UMAD1: variants seen among roughly 807,000 people sequenced by gnomAD.
UMAD1 encodes UBAP1-MVB12-associated (UMA) domain containing 1, also known as UBAP1-MVB12-associated (UMA)-domain containing protein 1.
Under a neutral mutation model 6.1 loss-of-function variants are expected in UMAD1, and 8 were observed. The ratio of observed to expected loss-of-function variants is 1.30; its 90% CI spans 0.76 to 2.35. The LOEUF is 2.35. Ranked by LOEUF, UMAD1 falls within the 30% of genes most tolerant of loss-of-function variation. UMAD1 has a pLI of 0.00. For missense variants in UMAD1, 130 were observed against 78.4 expected (o/e 1.66, Z -2.49); for synonymous variants, 56 against 31.4 (o/e 1.78, Z -2.61).
rs1360877547 is a variant in UMAD1, at chr7:7,735,256, A to G, written c.82+61803A>G. On this transcript the variant is annotated intron_variant, in intron 2 of 3. Transcript: ENST00000682710. The stretch of plus-strand genomic sequence containing the variant: ...TAACCCATTACGGGATCAAATTAGA[A>G]GGAAAGTTAGTAATAATTTAAAGGT... 2.6e-5 allele frequency among the ~76,000 whole-genome samples: 4 copies of G among 152,222 alleles called. No individual in the cohort carries two copies. In the East Asian group the frequency reaches 7.7e-4, roughly 29 times the overall value.
intron 1 of UMAD1, among the ~76,000 whole-genome samples, chr7:7,652,825 G>A (rs745659366): frequency 4.6e-5 from 7 of 152,174 alleles, no homozygotes; most frequent in Non-Finnish European, 8.8e-5. Flanking sequence ...ATGCAGTCAG[G>A]CTATATTGAA....
chr7:7,807,316 G>A (rs996565387), intron 3 of UMAD1, among the ~76,000 whole-genome samples: 6 of 152,040 alleles, frequency 3.9e-5, no homozygotes, highest in African/African-American at 1.4e-4. Flanking sequence ...TGATTAAGAA[G>A]TTCCTGGGAA....
chr7:7,864,065 C>T (rs1029592500), intron 3 of UMAD1, among the ~76,000 whole-genome samples: 6 of 152,204 alleles, frequency 3.9e-5, no homozygotes, highest in African/African-American at 1.4e-4. Context: ...AGAGGAGCAT[C>T]TTTTGTTATC....
intron 2 of UMAD1, among the ~76,000 whole-genome samples, chr7:7,778,991 C>A (rs1246372790): frequency 6.6e-6 from 1 of 152,142 alleles, no homozygotes; most frequent in Non-Finnish European, 1.5e-5. Flanking sequence ...CTATTATTAT[C>A]TTCATCATTT....
At position 7,769,782 on chromosome 7, in the gene UMAD1, G is replaced by C. The variant is rs115026851; in HGVS notation, c.83-31888G>C. ...ATTATGGTTGGAACACACATTCTAG[G>C]AGAGGAAGAGGGACTAAATTGCACT... is the stretch of plus-strand genomic sequence containing the variant. On this transcript the variant is annotated intron_variant, in intron 2 of 3. Transcript: ENST00000682710. 9.9e-4 allele frequency among the ~76,000 whole-genome samples: 151 copies of C among 152,286 alleles called. 1 individual carries two copies. Among genetic ancestry groups the C allele is most frequent in the African/African-American group, 3.5e-3 (144 of 41,556 alleles).
rs34829393 is a variant in UMAD1, at chr7:7,854,355, CAAAAAAAA to C, written c.157-22909_157-22902del. 5.1e-3 allele frequency among the ~76,000 whole-genome samples: 251 copies of C among 49,172 alleles called. 2 individuals carry two copies. Among genetic ancestry groups the C allele is most frequent in the African/African-American group, 0.02 (243 of 11,882 alleles). The allele number at this position is 49,172 out of a possible 152,430, so 32.3% of individuals were successfully genotyped here. A position where few individuals can be genotyped will look rare whatever the true frequency, so the allele number is the denominator to read the frequency against. On this transcript the variant is annotated intron_variant, in intron 3 of 3. Coordinates refer to ENST00000682710, the MANE Select transcript of UMAD1 (RefSeq NM_001302348.2). ...GGGCAACAAGAGCAAAGCTCCATCT[CAAAAAAAA>C]AAAAAAAAAAAAAAAAGATAAGAGA...
intron 3 of UMAD1, among the ~76,000 whole-genome samples, chr7:7,842,944 G>T (rs188677772): frequency 2.0e-5 from 3 of 152,176 alleles, no homozygotes; most frequent in Non-Finnish European, 1.5e-5. Flanking sequence ...ACCCAGTAGG[G>T]TCTGTCCTGT....
intron 3 of UMAD1, among the ~76,000 whole-genome samples, chr7:7,817,692 C>T (rs1411591302): frequency 6.6e-6 from 1 of 152,174 alleles, no homozygotes; most frequent in Non-Finnish European, 1.5e-5. Context: ...TTATGACTTT[C>T]CTCAAAACTT....
intron 2 of UMAD1, among the ~76,000 whole-genome samples, chr7:7,783,370 A>G (rs1782389306): frequency 6.6e-6 from 1 of 151,866 alleles, no homozygotes; most frequent in Admixed American, 6.5e-5. Context: ...TGAGAATCCT[A>G]TCTTTTGTAG....
At chr7:7,661,760 T>C (rs1002458495) in intron 1 of UMAD1, among the ~76,000 whole-genome samples, 4 of 152,140 alleles carry the variant, frequency 2.6e-5, no homozygotes, top group African/African-American at 9.6e-5. Flanking sequence ...CTGGGAGGTG[T>C]CTCCCAGTCA....
intron 3 of UMAD1, among the ~76,000 whole-genome samples, chr7:7,827,147 A>ATATGTGTG (rs1242634250): frequency 1.5e-5 from 2 of 134,150 alleles, no homozygotes; most frequent in Non-Finnish European, 3.1e-5. Context: ...ATATATATAT[A>ATATGTGTG]TGTGTGTGTG....
At chr7:7,654,233 A>C (rs901677776) in intron 1 of UMAD1, among the ~76,000 whole-genome samples, 13 of 152,236 alleles carry the variant, frequency 8.5e-5, no homozygotes, top group Non-Finnish European at 1.6e-4. Context: ...TGAGGCTCAA[A>C]TTTATTTACA....
chr7:7,752,207 A>T (rs1781691241), intron 2 of UMAD1, among the ~76,000 whole-genome samples: 1 of 152,216 alleles, frequency 6.6e-6, no homozygotes, highest in Non-Finnish European at 1.5e-5. Context: ...GTTGTAAAAA[A>T]ATAGATTATA....
intron 2 of UMAD1, among the ~76,000 whole-genome samples, chr7:7,758,809 G>T (rs1366537912): frequency 6.6e-6 from 1 of 152,142 alleles, no homozygotes; most frequent in African/African-American, 2.4e-5. Context: ...AGGTACCACA[G>T]TTTATCCTTT....
rs544710299 is a variant in UMAD1 at position 7,722,108 on chromosome 7, C to G, written c.82+48655C>G. ...AGCCTGCAGACGGCCTATTGTGGGT[C>G]TTGTGATCATGTGAGTTTAATACTC... On this transcript the variant is annotated intron_variant, in intron 2 of 3. Transcript: ENST00000682710. Among the ~76,000 whole-genome samples the G allele has an allele frequency of 3.3e-5, 5 of 151,384 alleles. No homozygotes were observed. The East Asian group carries it at 9.7e-4, about 29-fold the overall frequency.
chr7:7,825,636 A>G (rs1242716870), intron 3 of UMAD1, among the ~76,000 whole-genome samples: 1 of 152,192 alleles, frequency 6.6e-6, no homozygotes, highest in Non-Finnish European at 1.5e-5. Context: ...ATTCAAGATG[A>G]GATTTGAGTG....
At chr7:7,776,471 A>G (rs185501461) in intron 2 of UMAD1, among the ~76,000 whole-genome samples, 3 of 152,334 alleles carry the variant, frequency 2.0e-5, no homozygotes, top group South Asian at 2.1e-4. Context: ...GTTTAGGGAT[A>G]GTAAACCATG....
rs2115280369 is a variant in UMAD1, at chr7:7,807,391, C to T, written c.156+5648C>T. On this transcript the variant is annotated intron_variant, in intron 3 of 3. Coordinates refer to ENST00000682710, the MANE Select transcript of UMAD1 (RefSeq NM_001302348.2). Reference sequence around the variant, plus strand: ...CAAATCCTAATGTGAAATTGCTTTACACACGTGAATCTCAATGGCTGGTAA... The same window carrying T: ...CAAATCCTAATGTGAAATTGCTTTATACACGTGAATCTCAATGGCTGGTAA... 2.0e-5 allele frequency among the ~76,000 whole-genome samples: 3 copies of T among 152,186 alleles called. No homozygotes were observed. In the South Asian group the frequency reaches 6.2e-4, roughly 32 times the overall value.
At chr7:7,680,834 T>C (rs1390340460) in intron 2 of UMAD1, among the ~76,000 whole-genome samples, 1 of 152,160 alleles carries the variant, frequency 6.6e-6, no homozygotes, top group Non-Finnish European at 1.5e-5. Flanking sequence ...TTGGTTTCTT[T>C]TTCAAATTGT....
Sources: allele counts gnomAD v4.1 joint callset (sites outside exome capture counted in the v4.1 genomes callset), GRCh38; gene constraint gnomAD v4.1.1; transcripts MANE v1.5; gene names NCBI Gene and HGNC (gene_info 2026-07-23, HGNC 2026-07-21).